The following NWD2 variants were observed in gnomAD, a reference collection of about 807,000 sequenced individuals.
The protein encoded by NWD2 is NACHT and WD repeat domain-containing protein 2.
A neutral mutation model predicts 132.7 loss-of-function variants in NWD2; 37 were observed. The observed-to-expected ratio is 0.28, with a 90% confidence interval of 0.21 to 0.37. NWD2 has a LOEUF of 0.37. NWD2 is among the 10% of genes least tolerant of loss of function. The probability of loss-of-function intolerance (pLI) is 1.00; values close to 1 mark genes in which losing one functional copy is unlikely to be tolerated. For missense variants in NWD2, 1,592 were observed against 2,122.4 expected, an observed-to-expected ratio of 0.75 and a Z score of 4.91; for synonymous variants, 705 against 803.0, an observed-to-expected ratio of 0.88 and a Z score of 2.06.
Position 37,438,978 on chromosome 4 carries a change from A to T in NWD2, c.884A>T (p.Gln295Leu), listed in dbSNP as rs780123645. The change falls in exon 6 of 7, where the codon CAA (glutamine) becomes CTA (leucine). Residue 295 changes from glutamine (Q) to leucine (L), a missense_variant. Around this residue, in one of 7 missense-constraint regions of NWD2, gnomAD observed 1,071 missense variants for 1,398.0 expected, o/e 0.77. Transcript: ENST00000309447. ...AGGATTATTCGGGACCCAGAAGCCC[A>T]AGAGAAGCTGATAAAACTCAGGGAT... ...EPRIIRDPEA[Q>L]EKLIKLRDEF... 23 of 1,552,012 alleles carry T rather than the reference A, an allele frequency of 1.5e-5. No individual in the cohort carries two copies. Among genetic ancestry groups the T allele is most frequent in the Non-Finnish European group, 1.8e-5 (21 of 1,147,050 alleles).
At chr4:37,309,404 T>C (rs55892617) in intron 1 of NWD2, among the ~76,000 whole-genome samples, 23,511 of 151,948 alleles carry the variant, frequency 0.15, 2,343 homozygotes, top group South Asian at 0.33. Flanking sequence ...TTGCCTCAGG[T>C]GCTGAGTTCA....
Position 37,316,726 on chromosome 4 carries a change from A to G in NWD2, c.152-9210A>G, listed in dbSNP as rs921719959. On this transcript the variant is annotated intron_variant, in intron 1 of 6. Coordinates refer to ENST00000309447, the MANE Select transcript of NWD2 (RefSeq NM_001144990.2). ...TAATAGCTGATTTCAGGTTTTCATCAGCCAAATCTAAAATCTGAACCCACT... is the reference window on the plus strand; with the variant it reads ...TAATAGCTGATTTCAGGTTTTCATCGGCCAAATCTAAAATCTGAACCCACT... 2.6e-5 allele frequency among the ~76,000 whole-genome samples: 4 copies of G among 152,290 alleles called. No homozygotes were observed. The East Asian group carries it at 7.7e-4, about 29-fold the overall frequency.
intron 4 of NWD2, 40 bp downstream of exon 4, chr4:37,430,815 A>G: frequency 6.7e-7 from 1 of 1,495,912 alleles, no homozygotes. Context: ...TCTGTCCATT[A>G]CTACATTTGT....
rs73807487 is a variant in NWD2 at position 37,316,933 on chromosome 4, G to A, written c.152-9003G>A. Among the ~76,000 whole-genome samples, 745 of 152,182 alleles carry A rather than the reference G, an allele frequency of 4.9e-3. 5 individuals carry two copies. The highest frequency in any genetic ancestry group is 0.017 in the African/African-American group (717 of 41,520). ...ATTATTTTTGTTTAGTAACTTACCT[G>A]GACTAAATCTGTGAAATCTATTCCC... On this transcript the variant is annotated intron_variant, in intron 1 of 6. Coordinates refer to ENST00000309447, the MANE Select transcript of NWD2 (RefSeq NM_001144990.2).
chr4:37,412,536 C>T (rs928890321), intron 3 of NWD2, among the ~76,000 whole-genome samples: 2 of 152,110 alleles, frequency 1.3e-5, no homozygotes, highest in Non-Finnish European at 2.9e-5. Flanking sequence ...GAATCATTAT[C>T]GTGAAAATGG....
chr4:37,321,199 G>A (rs1399581544), intron 1 of NWD2, among the ~76,000 whole-genome samples: 1 of 152,104 alleles, frequency 6.6e-6, no homozygotes, highest in African/African-American at 2.4e-5. Context: ...CATGCCTTTA[G>A]TTTGTTGAAG....
rs1281034099 is a variant in NWD2 at position 37,406,971 on chromosome 4, A to G, written c.358-23601A>G. On this transcript the variant is annotated intron_variant, in intron 3 of 6. Coordinates refer to ENST00000309447, the MANE Select transcript of NWD2 (RefSeq NM_001144990.2). ...AGGCTGGAAGCCATCATTCTCAGCA[A>G]ATTAACACAGGAACAGAAAACCAAA... Among the ~76,000 whole-genome samples, 3 of 152,194 alleles carry G rather than the reference A, an allele frequency of 2.0e-5. No individual in the cohort carries two copies. The East Asian group carries it at 5.8e-4, about 29-fold the overall frequency.
chr4:37,319,713 C>T (rs1206983048), intron 1 of NWD2, among the ~76,000 whole-genome samples: 3 of 152,120 alleles, frequency 2.0e-5, no homozygotes, highest in Non-Finnish European at 4.4e-5. Context: ...ATCCCAGTAC[C>T]ATTTATTGAA....
chr4:37,318,666 C>T (rs969413459), intron 1 of NWD2, among the ~76,000 whole-genome samples: 2 of 151,892 alleles, frequency 1.3e-5, no homozygotes, highest in Non-Finnish European at 2.9e-5. Context: ...GTTTAGCTCT[C>T]ACTTATAAGT....
intron 1 of NWD2, among the ~76,000 whole-genome samples, chr4:37,315,685 A>C (rs1242045823): frequency 6.6e-6 from 1 of 152,028 alleles, no homozygotes; most frequent in Non-Finnish European, 1.5e-5. Context: ...TTTTATTTGA[A>C]GTATTTATTG....
At chr4:37,312,150 T>C (rs1402855596) in intron 1 of NWD2, among the ~76,000 whole-genome samples, 1 of 151,574 alleles carries the variant, frequency 6.6e-6, no homozygotes, top group African/African-American at 2.4e-5. Context: ...AAGTAGTTTT[T>C]TCCAATTCTG....
Position 37,445,624 on chromosome 4 carries a change from T to C in NWD2, c.3636T>C (p.Ile1212=), listed in dbSNP as rs938611054. The C allele has an allele frequency of 3.2e-6, 5 of 1,552,292 alleles. No individual in the cohort carries two copies. The highest frequency in any genetic ancestry group is 4.4e-6 in the Non-Finnish European group (5 of 1,147,134). The change falls in exon 7 of 7, where the codon ATT becomes ATC. Residue 1212 remains isoleucine (I), a synonymous_variant. Transcript: ENST00000309447. This position sits in a 1 kb window ranked among gnomAD's most constrained non-coding sequence, Gnocchi z 4.7. ...TTCTGATCTGTAAAGCCCTCAGCATTGAGCTCTTAGATACTGGTCTGTGGA... is the reference window on the plus strand; with the variant it reads ...TTCTGATCTGTAAAGCCCTCAGCATCGAGCTCTTAGATACTGGTCTGTGGA... The part of the protein sequence containing the change: ...SAVLICKALS[I]ELLDTGLWKV...
rs976882349 is a variant in NWD2 at position 37,446,593 on chromosome 4, T to C, written c.4605T>C (p.Asn1535=). 1 of 1,551,578 alleles carries C rather than the reference T, an allele frequency of 6.4e-7. No individual in the cohort carries two copies. Among genetic ancestry groups the C allele is most frequent in the African/African-American group, 1.4e-5 (1 of 73,012 alleles). Reference sequence around the variant, plus strand: ...TGGAGGACTTTGAAATTTCTCCCAATGGAAAGCTAGGCATTATAGCCAGGG... The same window carrying C: ...TGGAGGACTTTGAAATTTCTCCCAACGGAAAGCTAGGCATTATAGCCAGGG... ...KNLEDFEISP[N]GKLGIIARGD... The change falls in exon 7 of 7, where the codon AAT becomes AAC. Residue 1535 remains asparagine (N), a synonymous_variant. Coordinates refer to ENST00000309447, the MANE Select transcript of NWD2 (RefSeq NM_001144990.2). This position sits in a 1 kb window ranked among gnomAD's most constrained non-coding sequence, Gnocchi z 6.7.
intron 1 of NWD2, among the ~76,000 whole-genome samples, chr4:37,287,485 C>T (rs936363363): frequency 1.3e-5 from 2 of 152,184 alleles, no homozygotes; most frequent in African/African-American, 4.8e-5. Flanking sequence ...GGCTTGGTCC[C>T]CAAGAAGTGT....
chr4:37,285,986 C>T (rs1456381859), intron 1 of NWD2, among the ~76,000 whole-genome samples: 1 of 152,206 alleles, frequency 6.6e-6, no homozygotes, highest in African/African-American at 2.4e-5. Context: ...ATGACACCAA[C>T]TGACATTAGG....
chr4:37,280,648 T>G (rs938201698), intron 1 of NWD2, among the ~76,000 whole-genome samples: 1 of 152,032 alleles, frequency 6.6e-6, no homozygotes, highest in African/African-American at 2.4e-5. Flanking sequence ...GATGGTACAC[T>G]CAAGCTAGGT....
intron 2 of NWD2, among the ~76,000 whole-genome samples, chr4:37,346,895 T>G (rs1167308472): frequency 6.6e-6 from 1 of 152,130 alleles, no homozygotes; most frequent in Non-Finnish European, 1.5e-5. Flanking sequence ...AATAGGTTTT[T>G]GTATATTGAT....
intron 3 of NWD2, among the ~76,000 whole-genome samples, chr4:37,421,592 G>A (rs573055472): frequency 6.6e-6 from 1 of 152,304 alleles, no homozygotes; most frequent in South Asian, 2.1e-4. Flanking sequence ...ACTATAATAT[G>A]ATTTTGAGAA....
In NWD2 at chr4:37,287,311, G is replaced by A. The variant is rs569880351; in HGVS notation, c.152-38625G>A. Among the ~76,000 whole-genome samples the A allele has an allele frequency of 4.6e-5, 7 of 152,254 alleles. No homozygotes were observed. In the South Asian group the frequency reaches 8.3e-4, roughly 18 times the overall value. On this transcript the variant is annotated intron_variant, in intron 1 of 6. Coordinates refer to ENST00000309447, the MANE Select transcript of NWD2 (RefSeq NM_001144990.2). Reference sequence around the variant, plus strand: ...GGCAACCAGCACCACAGCTGTAGCTGCCTGCTGCCTTAGCCTTTTGAGCTT... The same window carrying A: ...GGCAACCAGCACCACAGCTGTAGCTACCTGCTGCCTTAGCCTTTTGAGCTT...
Sources: gnomAD v4.1 joint callset for allele counts (sites outside exome capture counted in the v4.1 genomes callset) on GRCh38, gnomAD v4.1.1 for gene constraint, gnomAD v4.1.1 regional missense constraint, Gnocchi (gnomAD v3.1) non-coding constraint, MANE v1.5 for transcripts, NCBI Gene and HGNC (gene_info 2026-07-23, HGNC 2026-07-21) for gene names.